PKNOX2: variants seen among roughly 807,000 people sequenced by gnomAD.
The protein encoded by PKNOX2 is PBX/knotted 1 homeobox 2.
PKNOX2 carries 14 observed loss-of-function variants against 53.1 expected under a neutral mutation model. The ratio of observed to expected loss-of-function variants is 0.26; its 90% CI spans 0.17 to 0.41. PKNOX2 has a LOEUF of 0.41. PKNOX2 is among the 10% of genes least tolerant of loss of function. The pLI is 1.00. For missense variants in PKNOX2, 496 were observed against 602.8 expected (o/e 0.82, Z 1.85); for synonymous variants, 257 against 242.8 (o/e 1.06, Z -0.54).
chr11:125,344,588 A>G (rs1950876336), intron 3 of PKNOX2, among the ~76,000 whole-genome samples: 1 of 152,156 alleles, frequency 6.6e-6, no homozygotes, highest in Non-Finnish European at 1.5e-5. Context: ...GGACACCAGC[A>G]TCGTGATATT....
intron 2 of PKNOX2, among the ~76,000 whole-genome samples, chr11:125,261,683 A>G (rs942866714): frequency 2.6e-5 from 4 of 152,220 alleles, no homozygotes; most frequent in African/African-American, 9.6e-5. Flanking sequence ...CCCCCAAGTC[A>G]AGGCTAAGTG....
intron 1 of PKNOX2, among the ~76,000 whole-genome samples, chr11:125,169,242 C>G (rs757169667): frequency 1.3e-5 from 2 of 152,186 alleles, no homozygotes; most frequent in Non-Finnish European, 2.9e-5. Flanking sequence ...TCATCATGAA[C>G]CACCGTTAGC....
In PKNOX2 at chr11:125,360,740, G is replaced by C. The variant is rs111856734; in HGVS notation, c.88-7106G>C. The stretch of plus-strand genomic sequence containing the variant: ...GCCAGCTCTCAGGGTGTGGGCTGTA[G>C]GCTGTGTGGATTTTATTAACAATAA... On this transcript the variant is annotated intron_variant, in intron 4 of 12. Coordinates refer to ENST00000298282, the MANE Select transcript of PKNOX2 (RefSeq NM_001382323.2). Among the ~76,000 whole-genome samples, 565 of 152,336 alleles carry C rather than the reference G, an allele frequency of 3.7e-3. 12 individuals are homozygous for C. Among genetic ancestry groups the C allele is most frequent in the African/African-American group, 0.011 (460 of 41,570 alleles).
intron 7 of PKNOX2, among the ~76,000 whole-genome samples, chr11:125,399,244 T>C (rs1230583598): frequency 1.3e-5 from 2 of 152,244 alleles, no homozygotes; most frequent in African/African-American, 4.8e-5. Flanking sequence ...CAAGTCACTT[T>C]ATTACAGATC....
intron 2 of PKNOX2, among the ~76,000 whole-genome samples, chr11:125,243,368 A>C (rs550460518): frequency 1.3e-5 from 2 of 152,302 alleles, no homozygotes; most frequent in South Asian, 4.1e-4. Context: ...GAGTCTGAGA[A>C]AGTGGGCCAT....
chr11:125,257,544 C>A (rs1455399457), intron 2 of PKNOX2, among the ~76,000 whole-genome samples: 1 of 152,226 alleles, frequency 6.6e-6, no homozygotes, highest in Non-Finnish European at 1.5e-5. Context: ...AATCCAACTT[C>A]TTCATTTACT....
chr11:125,306,453 C>A (rs1284115384), intron 2 of PKNOX2, among the ~76,000 whole-genome samples: 1 of 152,224 alleles, frequency 6.6e-6, no homozygotes, highest in Non-Finnish European at 1.5e-5. Flanking sequence ...CCACTCTGTC[C>A]TTTCTTTCTT....
At chr11:125,328,177 C>A (rs1254469970) in intron 2 of PKNOX2, among the ~76,000 whole-genome samples, 4 of 152,204 alleles carry the variant, frequency 2.6e-5, no homozygotes, top group Non-Finnish European at 4.4e-5. Flanking sequence ...CCCTCCCCAG[C>A]CCTGACCCTG....
intron 2 of PKNOX2, 62 bp from the exon 3 acceptor site, chr11:125,331,757 T>C (rs1347383897): frequency 6.6e-6 from 1 of 152,484 alleles, no homozygotes; most frequent in Non-Finnish European, 1.5e-5. Context: ...AAGCCCCTCC[T>C]CTCTGACCAC....
intron 3 of PKNOX2, among the ~76,000 whole-genome samples, chr11:125,348,804 T>G (rs563539338): frequency 6.6e-6 from 1 of 152,350 alleles, no homozygotes; most frequent in South Asian, 2.1e-4. Flanking sequence ...GCCTTCATTA[T>G]GACCTTCTAA....
intron 2 of PKNOX2, among the ~76,000 whole-genome samples, chr11:125,298,507 T>C (rs1947808236): frequency 6.6e-6 from 1 of 152,158 alleles, no homozygotes; most frequent in Non-Finnish European, 1.5e-5. Flanking sequence ...GCCCTGACTC[T>C]GGGGTGGGTG....
At chr11:125,222,581 C>A (rs1941254731) in intron 1 of PKNOX2, among the ~76,000 whole-genome samples, 1 of 149,332 alleles carries the variant, frequency 6.7e-6, no homozygotes, top group Non-Finnish European at 1.5e-5. Context: ...GTAATAGGTG[C>A]TCCTGGTGTG....
intron 3 of PKNOX2, among the ~76,000 whole-genome samples, chr11:125,334,295 T>A (rs906813408): frequency 1.3e-5 from 2 of 152,208 alleles, no homozygotes; most frequent in African/African-American, 4.8e-5. Context: ...CAAAGTCCTG[T>A]TGGGCAAACA....
rs116343782 is a variant in PKNOX2, at chr11:125,205,291, G to A, written c.-200-29754G>A. Among the ~76,000 whole-genome samples the A allele has an allele frequency of 1.6e-3, 242 of 152,224 alleles. 1 individual carries two copies. Among genetic ancestry groups the A allele is most frequent in the African/African-American group, 5.4e-3 (225 of 41,534 alleles). The stretch of plus-strand genomic sequence containing the variant: ...TATTGTTGGGTGTGGAGTCCCTTCC[G>A]GGGAGGTGGGTGGGGAGCGGGGGAG... On this transcript the variant is annotated intron_variant, in intron 1 of 12. Coordinates refer to ENST00000298282, the MANE Select transcript of PKNOX2 (RefSeq NM_001382323.2).
At chr11:125,335,269 T>C (rs1257273897) in intron 3 of PKNOX2, among the ~76,000 whole-genome samples, 1 of 152,208 alleles carries the variant, frequency 6.6e-6, no homozygotes, top group Non-Finnish European at 1.5e-5. Flanking sequence ...GGTTTCAGGC[T>C]CCCAGGTCAG....
intron 3 of PKNOX2, among the ~76,000 whole-genome samples, chr11:125,350,987 C>T (rs1295086623): frequency 3.3e-5 from 5 of 152,244 alleles, no homozygotes; most frequent in Admixed American, 2.6e-4. Flanking sequence ...CCTCTTCGTG[C>T]CCCCTCCCCA....
chr11:125,314,193 G>C (rs1949003154), intron 2 of PKNOX2, among the ~76,000 whole-genome samples: 1 of 152,122 alleles, frequency 6.6e-6, no homozygotes, highest in African/African-American at 2.4e-5. Flanking sequence ...GGAGAATTTG[G>C]GGTTGGTGTC....
At chr11:125,237,584 C>T (rs1040342292) in intron 2 of PKNOX2, among the ~76,000 whole-genome samples, 2 of 152,116 alleles carry the variant, frequency 1.3e-5, no homozygotes, top group African/African-American at 2.4e-5. Context: ...TTTGTTCTCC[C>T]TAGAAAGACA....
chr11:125,309,886 G>T (rs766033870), intron 2 of PKNOX2, among the ~76,000 whole-genome samples: 15 of 152,158 alleles, frequency 9.9e-5, no homozygotes, highest in Non-Finnish European at 1.9e-4. Flanking sequence ...ACAGTATAAA[G>T]CTGGTTACTT....
Sources: gnomAD v4.1 joint callset for allele counts (sites outside exome capture counted in the v4.1 genomes callset) on GRCh38, gnomAD v4.1.1 for gene constraint, MANE v1.5 for transcripts, NCBI Gene and HGNC (gene_info 2026-07-23, HGNC 2026-07-21) for gene names.